The following PCDHA3 variants were observed in gnomAD, a reference collection of about 807,000 sequenced individuals.
PCDHA3 encodes protocadherin alpha 3, also known as protocadherin alpha-3.
PCDHA3 carries 41 observed loss-of-function variants against 62.2 expected under a neutral mutation model. The ratio of observed to expected loss-of-function variants is 0.66; its 90% confidence interval spans 0.51 to 0.86. The LOEUF (loss-of-function observed/expected upper bound fraction) is 0.86. Ranked by LOEUF, PCDHA3 falls within the 40% of genes least tolerant of loss-of-function variation. PCDHA3 has a pLI of 0.00. For missense variants in PCDHA3, 1,304 were observed against 1,241.2 expected, an observed-to-expected ratio of 1.05 and a Z score of -0.76; for synonymous variants, 640 against 555.4, an observed-to-expected ratio of 1.15 and a Z score of -2.14.
At chr5:140,977,263 TAC>T (rs1466968557) in intron 1 of PCDHA3, among the ~76,000 whole-genome samples, 4 of 152,230 alleles carry the variant, frequency 2.6e-5, no homozygotes, top group Admixed American at 1.3e-4. Flanking sequence ...CAGCAGATGT[TAC>T]AGTCTTTCTC....
intron 1 of PCDHA3, chr5:140,876,741 G>C: frequency 6.2e-7 from 1 of 1,614,264 alleles, no homozygotes; most frequent in Non-Finnish European, 8.5e-7. Flanking sequence ...CCTATGAGCT[G>C]GTGGTGACTG....
intron 1 of PCDHA3, among the ~76,000 whole-genome samples, chr5:140,885,031 AT>A (rs1165183992): frequency 6.6e-6 from 1 of 152,198 alleles, no homozygotes; most frequent in Non-Finnish European, 1.5e-5. Flanking sequence ...AATTTAAAAA[AT>A]TTTTAGTTTA....
intron 3 of PCDHA3, among the ~76,000 whole-genome samples, chr5:140,997,797 C>A (rs2097786104): frequency 6.6e-6 from 1 of 151,944 alleles, no homozygotes; most frequent in Non-Finnish European, 1.5e-5. Context: ...TATAATTTAT[C>A]CAATTTGCTG....
intron 1 of PCDHA3, chr5:140,876,650 T>C (rs782068706): frequency 3.1e-6 from 5 of 1,614,162 alleles, no homozygotes; most frequent in South Asian, 2.2e-5. Context: ...ACACCTCATG[T>C]TCCCTTCAAG....
intron 1 of PCDHA3, chr5:140,824,141 T>C: frequency 6.2e-7 from 1 of 1,612,188 alleles, no homozygotes; most frequent in South Asian, 1.1e-5. Context: ...AGTTTTCTAA[T>C]ATTAACATCC....
At chr5:140,967,219 C>A (rs782211026) in intron 1 of PCDHA3, 2 of 1,613,772 alleles carry the variant, frequency 1.2e-6, no homozygotes, top group East Asian at 2.2e-5. Context: ...TCCCGCGGCC[C>A]AACTACCAGC....
intron 1 of PCDHA3, among the ~76,000 whole-genome samples, chr5:140,908,700 G>A (rs1357815625): frequency 6.6e-6 from 1 of 152,184 alleles, no homozygotes; most frequent in Non-Finnish European, 1.5e-5. Flanking sequence ...GACACCTCAA[G>A]CACCATTGGA....
At chr5:140,821,893 C>T in intron 1 of PCDHA3, 1 of 1,614,248 alleles carries the variant, frequency 6.2e-7, no homozygotes, top group Non-Finnish European at 8.5e-7. Flanking sequence ...GGAAGCCAAA[C>T]ACGGAACCTT....
intron 1 of PCDHA3, chr5:140,851,152 C>G (rs1379835863): frequency 1.5e-6 from 2 of 1,304,948 alleles, no homozygotes; most frequent in African/African-American, 3.1e-5. Flanking sequence ...CATTGAATTT[C>G]TGATGCTATG....
In PCDHA3 at chr5:140,883,030, C is replaced by G. The variant is rs1554176556; in HGVS notation, c.2394+79439C>G. ...TTTATAAAGTGACGGTGTTAGAGAA[C>G]GCCTTCAATGGAACATTAGTGATCA... On this transcript the variant is annotated intron_variant, in intron 1 of 3. Coordinates refer to ENST00000522353, the MANE Select transcript of PCDHA3 (RefSeq NM_018906.3). 1 of 1,613,940 alleles carries G rather than the reference C, an allele frequency of 6.2e-7. No individual in the cohort carries two copies. Among genetic ancestry groups the G allele is most frequent in the Non-Finnish European group, 8.5e-7 (1 of 1,180,036 alleles).
At chr5:140,987,235 TAAAG>T (rs1182642222) in intron 3 of PCDHA3, among the ~76,000 whole-genome samples, 2 of 151,266 alleles carry the variant, frequency 1.3e-5, no homozygotes, top group African/African-American at 2.4e-5. Flanking sequence ...AAATAATAAA[TAAAG>T]AAAGAAAGAC....
intron 1 of PCDHA3, chr5:140,870,265 C>G (rs782376161): frequency 6.2e-7 from 1 of 1,614,214 alleles, no homozygotes; most frequent in Non-Finnish European, 8.5e-7. Flanking sequence ...GACCTGCTCG[C>G]TGACGCCCCA....
At chr5:140,927,133 G>A (rs2083881073) in intron 1 of PCDHA3, 16 of 1,613,984 alleles carry the variant, frequency 9.9e-6, no homozygotes, top group Non-Finnish European at 1.4e-5. Context: ...CAGAGAGCCG[G>A]CGGACCGCGA....
chr5:140,822,922 C>T, intron 1 of PCDHA3: 1 of 1,614,270 alleles, frequency 6.2e-7, no homozygotes, highest in South Asian at 1.1e-5. Flanking sequence ...TGCCAACGGG[C>T]AGGTGACCTG....
At chr5:140,836,816 T>G in intron 1 of PCDHA3, 1 of 1,201,468 alleles carries the variant, frequency 8.3e-7, no homozygotes, top group Non-Finnish European at 1.2e-6. Context: ...TCTTTCATAA[T>G]TTCTTTTTTA....
At chr5:140,925,176 A>G (rs187925786) in intron 1 of PCDHA3, among the ~76,000 whole-genome samples, 2 of 152,236 alleles carry the variant, frequency 1.3e-5, no homozygotes, top group African/African-American at 2.4e-5. Context: ...ATTGACCCCA[A>G]TGTACCATCA....
At chr5:140,896,012 T>C (rs1554186792) in intron 1 of PCDHA3, among the ~76,000 whole-genome samples, 3 of 152,162 alleles carry the variant, frequency 2.0e-5, no homozygotes, top group African/African-American at 7.2e-5. Context: ...GGTTTCTCCA[T>C]GTTGGCCAGG....
intron 1 of PCDHA3, among the ~76,000 whole-genome samples, chr5:140,846,560 G>A (rs1327875705): frequency 6.8e-6 from 1 of 148,012 alleles, no homozygotes; most frequent in Non-Finnish European, 1.5e-5. Context: ...ATTTTTAGTA[G>A]AGTCGGGGTT....
intron 1 of PCDHA3, among the ~76,000 whole-genome samples, chr5:140,934,646 T>C (rs1554210032): frequency 6.6e-6 from 1 of 152,116 alleles, no homozygotes; most frequent in African/African-American, 2.4e-5. Flanking sequence ...GCAGGATAAA[T>C]GTTTGATTCT....
Sources: allele counts gnomAD v4.1 joint callset (sites outside exome capture counted in the v4.1 genomes callset), GRCh38; gene constraint gnomAD v4.1.1; transcripts MANE v1.5; gene names NCBI Gene and HGNC (gene_info 2026-07-23, HGNC 2026-07-21).